The following ZNF525 variants were observed in gnomAD, a reference collection of about 807,000 sequenced individuals.
ZNF525 encodes zinc finger protein 525.
In ZNF525, 33 loss-of-function variants were observed where a neutral mutation model predicts 37.6. The observed-to-expected ratio is 0.88, with a 90% CI of 0.67 to 1.17. The LOEUF is 1.17. ZNF525 is among the 50% of genes most tolerant of loss of function. The probability of loss-of-function intolerance (pLI) is 0.00; values close to 1 mark genes in which losing one functional copy is unlikely to be tolerated. For missense variants in ZNF525, 449 were observed against 543.1 expected, an observed-to-expected ratio of 0.83 and a Z score of 1.72; for synonymous variants, 170 against 182.3, an observed-to-expected ratio of 0.93 and a Z score of 0.54.
At chr19:53,367,324 T>TA (rs202066843) in intron 1 of ZNF525, among the ~76,000 whole-genome samples, 1 of 151,068 alleles carries the variant, frequency 6.6e-6, no homozygotes, top group African/African-American at 2.4e-5. Context: ...TTTTTTTTTT[T>TA]AAATTTCTGC....
At chr19:53,378,286 G>A (rs1025889124) in intron 3 of ZNF525, among the ~76,000 whole-genome samples, 12 of 152,152 alleles carry the variant, frequency 7.9e-5, no homozygotes, top group African/African-American at 2.7e-4. Flanking sequence ...GTGAAACCCT[G>A]TCTCTACTAA....
chr19:53,380,920 C>CA lies in ZNF525; in HGVS notation c.346dup (p.Ile116AsnfsTer7), dbSNP rs1223711885. 1.3e-6 allele frequency: 2 copies of CA among 1,522,564 alleles called. No homozygotes were observed. Among genetic ancestry groups the CA allele is most frequent in the East Asian group, 2.3e-5 (1 of 44,432 alleles). The allele number at this position is 1,522,564 out of a possible 1,614,324, so 94.3% of individuals were successfully genotyped here. ...AGAAATGGCCATGAAGCACCCATGA[C>CA]AAAAATCAAAAAATTGATGGGTAGT... On this transcript the variant is annotated frameshift_variant, in exon 4 of 4. Transcript: ENST00000474037. LOFTEE classifies it high-confidence loss of function.
chr19:53,370,694 T>A (rs199937192), intron 1 of ZNF525, among the ~76,000 whole-genome samples: 31 of 148,778 alleles, frequency 2.1e-4, no homozygotes, highest in African/African-American at 6.9e-4. Flanking sequence ...GAAAAAAAAA[T>A]AATAAAATGC....
At chr19:53,367,912 C>G (rs1024102657) in intron 1 of ZNF525, among the ~76,000 whole-genome samples, 2 of 152,102 alleles carry the variant, frequency 1.3e-5, no homozygotes, top group Non-Finnish European at 1.5e-5. Flanking sequence ...GCGTGTAAAT[C>G]GGGGTGCGAT....
In ZNF525 at chr19:53,382,541, C is replaced by T. The variant is rs62115356; in HGVS notation, c.*522C>T. ...AGGAGTTAACACATGCCATCATAGA[C>T]GTCATACTGGAGAGAAACCTTAGAA... On this transcript the variant is annotated 3_prime_UTR_variant, in exon 4 of 4. Coordinates refer to ENST00000474037, the MANE Select transcript of ZNF525 (RefSeq NM_001348156.2). 1.5e-5 allele frequency: 10 copies of T among 656,006 alleles called. No individual in the cohort carries two copies. The highest frequency in any genetic ancestry group is 1.3e-4 in the South Asian group (9 of 68,346). 40.6% of individuals were successfully genotyped at this position (656,006 alleles called of 1,614,324 possible).
chr19:53,381,141 A>G lies in ZNF525; in HGVS notation c.562A>G (p.Ile188Val), dbSNP rs749907571. The G allele has an allele frequency of 5.7e-6, 8 of 1,392,352 alleles. No individual in the cohort carries two copies. The highest frequency in any genetic ancestry group is 8.2e-6 in the Non-Finnish European group (8 of 978,286). The allele number at this position is 1,392,352 out of a possible 1,614,324, so 86.2% of individuals were successfully genotyped here. Reference protein sequence around the residue: ...QRISCRPKTHISNNYGDNFLN... With the variant: ...QRISCRPKTHVSNNYGDNFLN... ...AATTTCTTGTAGGCCCAAAACCCAT[A>G]TATCTAATAACTATGGGGATAATTT... Residue 188 changes from isoleucine to valine, a missense_variant, in exon 4 of 4, where the codon ATA becomes GTA. Physicochemically the swap from Ile to Val is conservative, Grantham distance 29. This residue lies in a region of ZNF525 where 271 missense variants were observed against 381.6 expected (regional missense o/e 0.71). Transcript: ENST00000474037.
chr19:53,371,365 A>C (rs1266254382), intron 1 of ZNF525, among the ~76,000 whole-genome samples: 1 of 151,650 alleles, frequency 6.6e-6, no homozygotes, highest in Non-Finnish European at 1.5e-5. Context: ...CACTCAGCTA[A>C]TTATTGTATT....
intron 2 of ZNF525, 147 bp from the exon 3 acceptor site, chr19:53,375,623 C>CA (rs1275790654): frequency 3.6e-5 from 57 of 1,586,190 alleles, no homozygotes; most frequent in Admixed American, 5.2e-5. Context: ...ACTGGGAAGA[C>CA]AAAATGCAGT....
In ZNF525 at chr19:53,383,838, G is replaced by A; in HGVS notation, c.*1819G>A. The A allele has an allele frequency of 3.6e-6, 2 of 554,254 alleles. No homozygotes were observed. The highest frequency in any genetic ancestry group is 1.6e-5 in the South Asian group (1 of 63,802). The allele number at this position is 554,254 out of a possible 1,614,324, so 34.3% of individuals were successfully genotyped here. On this transcript the variant is annotated 3_prime_UTR_variant, in exon 4 of 4. Coordinates refer to ENST00000474037, the MANE Select transcript of ZNF525 (RefSeq NM_001348156.2). The stretch of plus-strand genomic sequence containing the variant: ...TCTTACAATGTCATGATTGTGGCAA[G>A]GTCTTCAGTCAAGCTTCATCTTTTG...
At position 53,386,506 on chromosome 19, in the gene ZNF525, A is replaced by G. The variant is rs899886810; in HGVS notation, c.*4487A>G. Reference sequence around the variant, plus strand: ...CAGTTGGACATGTTTTATTGGGAATATGTTTTTTCTCTGTAAATTTGTTAT... The same window carrying G: ...CAGTTGGACATGTTTTATTGGGAATGTGTTTTTTCTCTGTAAATTTGTTAT... On this transcript the variant is annotated 3_prime_UTR_variant, in exon 4 of 4. Coordinates refer to ENST00000474037, the MANE Select transcript of ZNF525 (RefSeq NM_001348156.2). 3.5e-6 allele frequency: 2 copies of G among 579,358 alleles called. No individual in the cohort carries two copies. Among genetic ancestry groups the G allele is most frequent in the African/African-American group, 3.8e-5 (2 of 52,502 alleles). 35.9% of individuals were successfully genotyped at this position (579,358 alleles called of 1,614,324 possible). A position where few individuals can be genotyped will look rare whatever the true frequency, so the allele number is the denominator to read the frequency against.
Position 53,381,179 on chromosome 19 carries a change from A to G in ZNF525, c.600A>G (p.Ser200=), listed in dbSNP as rs778759729. The G allele has an allele frequency of 7.4e-6, 10 of 1,357,154 alleles. No individual in the cohort carries two copies. Among genetic ancestry groups the G allele is most frequent in the Non-Finnish European group, 1.1e-5 (10 of 945,766 alleles). 84.1% of individuals were successfully genotyped at this position (1,357,154 alleles called of 1,614,324 possible). Residue 200 remains serine, a synonymous_variant, in exon 4 of 4, where the codon TCA becomes TCG. Coordinates refer to ENST00000474037, the MANE Select transcript of ZNF525 (RefSeq NM_001348156.2). ...ATGGGGATAATTTTCTGAATTATTC[A>G]TTACTCACACAAAGACAGGAAGTAC... ...NNYGDNFLNY[S]LLTQRQEVRM... is the part of the protein sequence containing the mutation.
Position 53,372,453 on chromosome 19 carries a change from A to C in ZNF525, c.15+157A>C, listed in dbSNP as rs2085494170. The C allele has an allele frequency of 1.6e-5, 12 of 750,760 alleles. No individual in the cohort carries two copies. In the East Asian group the frequency reaches 2.8e-4, roughly 17 times the overall value. The allele number at this position is 750,760 out of a possible 1,614,324, so 46.5% of individuals were successfully genotyped here. ...GTCCCTCTCATCTCACTTAGATTTT[A>C]TCTCTTGTGGCTCAGTGACATGAAC... On this transcript the variant is annotated intron_variant, in intron 2 of 3. Transcript: ENST00000474037.
At chr19:53,376,298 G>A (rs772788842) in intron 3 of ZNF525, 4 of 672,918 alleles carry the variant, frequency 5.9e-6, no homozygotes, top group South Asian at 4.5e-5. Flanking sequence ...GCTAATATGA[G>A]TCTTCTGTGG....
In ZNF525 at chr19:53,383,408, A is replaced by G; in HGVS notation, c.*1389A>G. Reference sequence around the variant, plus strand: ...CTGGAGAGAAACCTTAGAAATGTGAAGAATGTGACAAAGTTTACAGTCGCA... The same window carrying G: ...CTGGAGAGAAACCTTAGAAATGTGAGGAATGTGACAAAGTTTACAGTCGCA... On this transcript the variant is annotated 3_prime_UTR_variant, in exon 4 of 4. Transcript: ENST00000474037. The G allele has an allele frequency of 9.2e-7, 1 of 1,086,502 alleles. No homozygotes were observed. The highest frequency in any genetic ancestry group is 1.6e-5 in the African/African-American group (1 of 63,530). 67.3% of individuals were successfully genotyped at this position (1,086,502 alleles called of 1,614,324 possible). A position where few individuals can be genotyped will look rare whatever the true frequency, so the allele number is the denominator to read the frequency against.
At chr19:53,376,227 AACCCCCGT>A (rs1211111139) in intron 3 of ZNF525, 1 of 709,988 alleles carries the variant, frequency 1.4e-6, no homozygotes, top group Admixed American at 2.0e-5. Flanking sequence ...TACAGGCGCC[AACCCCCGT>A]ACCTAACTAT....
At chr19:53,373,186 A>G (rs2085499356) in intron 2 of ZNF525, among the ~76,000 whole-genome samples, 1 of 152,052 alleles carries the variant, frequency 6.6e-6, no homozygotes, top group African/African-American at 2.4e-5. Context: ...TCCACCTCCC[A>G]GGTTCAAGCG....
intron 2 of ZNF525, chr19:53,372,529 C>T: frequency 2.1e-6 from 2 of 934,508 alleles, no homozygotes; most frequent in Non-Finnish European, 3.3e-6. Flanking sequence ...CACAACCAGA[C>T]ATGGATGGAG....
In ZNF525 at chr19:53,384,083, A is replaced by T. The variant is rs1248058433; in HGVS notation, c.*2064A>T. ...TAATTGTTCCCAATGCAATGAATAT[A>T]GCAAACCATCAAGCATTGATTGACA... On this transcript the variant is annotated 3_prime_UTR_variant, in exon 4 of 4. Coordinates refer to ENST00000474037, the MANE Select transcript of ZNF525 (RefSeq NM_001348156.2). The T allele has an allele frequency of 2.1e-6, 1 of 487,242 alleles. No homozygotes were observed. The highest frequency in any genetic ancestry group is 4.1e-6 in the Non-Finnish European group (1 of 245,856). The allele number at this position is 487,242 out of a possible 1,614,324, so 30.2% of individuals were successfully genotyped here.
intron 2 of ZNF525, among the ~76,000 whole-genome samples, chr19:53,375,553 C>T (rs1412432851): frequency 6.6e-6 from 1 of 152,058 alleles, no homozygotes; most frequent in African/African-American, 2.4e-5. Flanking sequence ...CCATTGCACT[C>T]CAGCCTGAGT....
Sources: allele counts gnomAD v4.1 joint callset (sites outside exome capture counted in the v4.1 genomes callset), GRCh38; gene constraint gnomAD v4.1.1; regional missense constraint gnomAD v4.1.1; transcripts MANE v1.5; gene names NCBI Gene and HGNC (gene_info 2026-07-23, HGNC 2026-07-21).